The following DNAH3 variants were observed in gnomAD, a reference collection of about 807,000 sequenced individuals.
DNAH3 encodes the protein dynein axonemal heavy chain 3.
In DNAH3, 332 loss-of-function variants were observed where a neutral mutation model predicts 432.5. The ratio of observed to expected loss-of-function variants is 0.77; its 90% CI spans 0.70 to 0.84. DNAH3 has a LOEUF of 0.84. Ranked by LOEUF, DNAH3 falls within the 40% of genes least tolerant of loss-of-function variation. The probability of loss-of-function intolerance (pLI) is 0.00; values close to 1 mark genes in which losing one functional copy is unlikely to be tolerated. For missense variants in DNAH3, 4,861 were observed against 5,114.0 expected (o/e 0.95, Z 1.51); for synonymous variants, 1,956 against 1,900.2 (o/e 1.03, Z -0.76).
chr16:21,063,868 A>G (rs1243988912), intron 24 of DNAH3, among the ~76,000 whole-genome samples: 1 of 152,210 alleles, frequency 6.6e-6, no homozygotes, highest in African/African-American at 2.4e-5. Flanking sequence ...ATTAGAGATA[A>G]TAAGACAATT....
intron 31 of DNAH3, among the ~76,000 whole-genome samples, chr16:21,048,219 A>C (rs909605344): frequency 8.5e-5 from 13 of 152,298 alleles, no homozygotes; most frequent in South Asian, 4.1e-4. Flanking sequence ...TCGAGCTTCC[A>C]GGCTGCTTTG....
intron 55 of DNAH3, among the ~76,000 whole-genome samples, chr16:20,952,871 AAC>A (rs1027696053): frequency 3.3e-5 from 5 of 152,170 alleles, no homozygotes; most frequent in African/African-American, 9.7e-5. Flanking sequence ...CTCCAAAAAT[AAC>A]ACCGCGGCAT....
chr16:21,053,405 T>C (rs1390616230), intron 28 of DNAH3, among the ~76,000 whole-genome samples: 1 of 151,810 alleles, frequency 6.6e-6, no homozygotes, highest in Non-Finnish European at 1.5e-5. Context: ...ATTTCAAGGG[T>C]TTGAGTTGGG....
intron 19 of DNAH3, among the ~76,000 whole-genome samples, chr16:21,083,095 C>T (rs752036300): frequency 6.6e-6 from 1 of 151,296 alleles, no homozygotes; most frequent in Non-Finnish European, 1.5e-5. Flanking sequence ...CGGCTCACTG[C>T]AACCTCTGTC....
chr16:20,964,272 T>A, exon 53 of DNAH3: 1 of 1,614,138 alleles, frequency 6.2e-7, no homozygotes, highest in Non-Finnish European at 8.5e-7. Context: ...TGCCAAGGAG[T>A]TGATCTTGGA....
In DNAH3 at chr16:21,085,807, AC is replaced by A. The variant is rs145991120; in HGVS notation, c.2877+1041del. Among the ~76,000 whole-genome samples, 1,176 of 151,804 alleles carry A rather than the reference AC, an allele frequency of 7.7e-3. 19 individuals carry two copies. Among genetic ancestry groups the A allele is most frequent in the African/African-American group, 0.027 (1,117 of 41,400 alleles). On this transcript the variant is annotated intron_variant, in intron 19 of 61. Transcript: ENST00000261383. ...TACGTGGCTTTTTTGTCCCCCCGTT[AC>A]CCAGGCTGGAGTGCAGTGACACGAT...
Position 20,951,008 on chromosome 16 carries a change from G to A in DNAH3, c.11188+1425C>T, listed in dbSNP as rs117311496. 6.8e-3 allele frequency among the ~76,000 whole-genome samples: 1,029 copies of A among 151,984 alleles called. 9 individuals carry two copies. Among genetic ancestry groups the A allele is most frequent in the Non-Finnish European group, 9.4e-3 (637 of 67,980 alleles). ...CAGCTCATTTTTATTTTATTTCTTT[G>A]TAGAGATGTGGCCCAGACTGGTCTC... On this transcript the variant is annotated intron_variant, in intron 56 of 61. Transcript: ENST00000261383.
At chr16:21,148,019 C>G (rs1230558096) in intron 1 of DNAH3, among the ~76,000 whole-genome samples, 8 of 152,262 alleles carry the variant, frequency 5.3e-5, no homozygotes, top group Non-Finnish European at 8.8e-5. Context: ...TCACCTTAGG[C>G]ATTGACTTTG....
chr16:21,023,714 T>C (rs1276481180), intron 39 of DNAH3, among the ~76,000 whole-genome samples: 2 of 150,718 alleles, frequency 1.3e-5, no homozygotes, highest in African/African-American at 4.9e-5. Context: ...TGATAAGGAG[T>C]TAAACTTTGT....
chr16:21,077,405 C>T (rs1018007876), intron 20 of DNAH3, among the ~76,000 whole-genome samples: 4 of 152,106 alleles, frequency 2.6e-5, no homozygotes, highest in Non-Finnish European at 2.9e-5. Context: ...ACAAGTGATC[C>T]GCCCGCCTCG....
At position 21,033,973 on chromosome 16, in the gene DNAH3, C is replaced by T. The variant is rs1444265965; in HGVS notation, c.5197+1G>A. The T allele has an allele frequency of 6.2e-7, 1 of 1,611,754 alleles. No individual in the cohort carries two copies. Among genetic ancestry groups the T allele is most frequent in the African/African-American group, 1.3e-5 (1 of 74,852 alleles). ...CTGGAAGCCAGGGATGTGAGCTTTA[C>T]CTGCGTGTAAATCGCCGAGAGCTGC... is the stretch of plus-strand genomic sequence containing the variant. On this transcript the variant is annotated splice_donor_variant, in intron 36 of 61. Coordinates refer to ENST00000261383, the Ensembl canonical transcript of DNAH3. LOFTEE classifies it high-confidence loss of function.
intron 13 of DNAH3, 53 bp from the exon 14 acceptor site, chr16:21,111,857 T>G: frequency 6.3e-7 from 1 of 1,596,288 alleles, no homozygotes; most frequent in East Asian, 2.2e-5. Context: ...CCTCTCCCAC[T>G]TGCCCCCAGC....
chr16:20,985,169 C>G lies in DNAH3; in HGVS notation c.7573G>C (p.Asp2525His), dbSNP rs747744398. 2.5e-5 allele frequency: 41 copies of G among 1,614,200 alleles called. No individual in the cohort carries two copies. In the Admixed American group the frequency reaches 6.8e-4, roughly 27 times the overall value. Residue 2525 changes from aspartate to histidine, a missense_variant, in exon 48 of 62, where the codon GAC becomes CAC. Physicochemically the swap from Asp to His is moderately conservative, Grantham distance 81. Coordinates refer to ENST00000261383, the Ensembl canonical transcript of DNAH3. ...GCAGTCTGCATCTTCTCCACGATGT[C>G]AGCCTTCTCGTCAGCAGGGAAGATG...
intron 1 of DNAH3, among the ~76,000 whole-genome samples, chr16:21,155,403 C>T (rs2092891283): frequency 6.6e-6 from 1 of 151,944 alleles, no homozygotes; most frequent in African/African-American, 2.4e-5. Context: ...GCAGGCGGAT[C>T]ACAAAGTCAG....
chr16:20,933,276 C>T, exon 62 of DNAH3: 2 of 1,614,174 alleles, frequency 1.2e-6, no homozygotes, highest in Non-Finnish European at 8.5e-7. Context: ...GAGAGGGTTC[C>T]TCTGCGGGCA....
chr16:20,936,877 G>GA (rs774717720), intron 59 of DNAH3, 24 bp from the exon 60 acceptor site: 29 of 1,592,182 alleles, frequency 1.8e-5, no homozygotes, highest in Non-Finnish European at 2.4e-5. Context: ...GGAGCTGGCT[G>GA]AGCTGGGCTC....
intron 1 of DNAH3, among the ~76,000 whole-genome samples, chr16:21,146,910 G>T (rs2092791735): frequency 6.6e-6 from 1 of 151,806 alleles, no homozygotes; most frequent in African/African-American, 2.4e-5. Flanking sequence ...ACAGGTGACT[G>T]CCACCATGCC....
Position 21,140,334 on chromosome 16 carries a change from T to G in DNAH3, c.696+202A>C, listed in dbSNP as rs571834375. Reference sequence around the variant, plus strand: ...CCATCACTTACTAGGGCAGAGAACATGTACACACACTCTCTCTCCTTCTCT... The same window carrying G: ...CCATCACTTACTAGGGCAGAGAACAGGTACACACACTCTCTCTCCTTCTCT... On this transcript the variant is annotated intron_variant, in intron 5 of 61. Coordinates refer to ENST00000261383, the Ensembl canonical transcript of DNAH3. The G allele has an allele frequency of 1.4e-5, 7 of 506,152 alleles. No individual in the cohort carries two copies. In the South Asian group the frequency reaches 2.4e-4, roughly 17 times the overall value. The allele number at this position is 506,152 out of a possible 1,614,324, so 31.4% of individuals were successfully genotyped here.
intron 51 of DNAH3, among the ~76,000 whole-genome samples, chr16:20,971,450 G>A (rs1043863839): frequency 6.6e-5 from 10 of 152,096 alleles, no homozygotes; most frequent in Non-Finnish European, 1.5e-4. Context: ...AAAGGTCCAG[G>A]AAGGGATTCC....
Sources: gnomAD v4.1 joint callset for allele counts (sites outside exome capture counted in the v4.1 genomes callset) on GRCh38, gnomAD v4.1.1 for gene constraint, MANE v1.5 for transcripts, NCBI Gene and HGNC (gene_info 2026-07-23, HGNC 2026-07-21) for gene names.